AHNAK: variants seen among roughly 807,000 people sequenced by gnomAD.
AHNAK encodes neuroblast differentiation-associated protein AHNAK.
In AHNAK, 23 loss-of-function variants were observed where a neutral mutation model predicts 37.8. The observed-to-expected ratio is 0.61, with a 90% CI of 0.44 to 0.86. The LOEUF (loss-of-function observed/expected upper bound fraction) is 0.86, where lower values mean the gene tolerates loss of function less well. AHNAK is among the 40% of genes least tolerant of loss of function. The pLI is 0.00. For synonymous variants in AHNAK, 2,481 were observed against 2,636.3 expected (o/e 0.94, Z 1.80); for missense variants, 7,411 against 7,319.4 (o/e 1.01, Z -0.46).
At position 62,536,958 on chromosome 11, in the gene AHNAK, TA is replaced by T. The variant is rs199722986; in HGVS notation, c.-99-392del. On this transcript the variant is annotated intron_variant, in intron 1 of 4. Transcript: ENST00000378024. ...ATTTATGTATTTTATTTATTTTATT[TA>T]TTTTTTTTTTTTTGAGACAGAGTCT... Among the ~76,000 whole-genome samples, 302 of 149,060 alleles carry T rather than the reference TA, an allele frequency of 2.0e-3. 1 individual carries two copies. Among genetic ancestry groups the T allele is most frequent in the African/African-American group, 7.2e-3 (284 of 39,234 alleles).
chr11:62,483,668 C>T (rs990288979), intron 5 of AHNAK, among the ~76,000 whole-genome samples: 2 of 151,330 alleles, frequency 1.3e-5, no homozygotes, highest in African/African-American at 4.9e-5. Context: ...ACCATCCTGG[C>T]TAACACGGTG....
At position 62,532,389 on chromosome 11, in the gene AHNAK, C is replaced by T; in HGVS notation, c.2028G>A (p.Leu676=). The part of the protein sequence containing the change: ...VEAPDVNLEG[L]GGKLKGPDVK... ...CATCGGGGCCTTTAAGTTTTCCCCC[C>T]AGACCCTCCAAGTTGACATCTGGGG... is the stretch of plus-strand genomic sequence containing the variant. Residue 676 remains leucine (L), a synonymous_variant, in exon 5 of 5, where the codon CTG becomes CTA. Coordinates refer to ENST00000378024, the MANE Select transcript of AHNAK (RefSeq NM_001620.3). 6.2e-7 allele frequency: 1 copy of T among 1,614,124 alleles called. No individual in the cohort carries two copies. Among genetic ancestry groups the T allele is most frequent in the Non-Finnish European group, 8.5e-7 (1 of 1,180,034 alleles).
intron 4 of AHNAK, among the ~76,000 whole-genome samples, chr11:62,505,465 T>C (rs1939793565): frequency 6.6e-6 from 1 of 152,016 alleles, no homozygotes; most frequent in Non-Finnish European, 1.5e-5. Flanking sequence ...CCGTTTCTGG[T>C]TGGAGCAAGG....
chr11:62,469,876 G>A (rs1166921120), intron 5 of AHNAK, among the ~76,000 whole-genome samples: 1 of 152,222 alleles, frequency 6.6e-6, no homozygotes, highest in Non-Finnish European at 1.5e-5. Flanking sequence ...AGTTCACAAA[G>A]TGGACAAGAT....
At position 62,528,862 on chromosome 11, in the gene AHNAK, G is replaced by A. The variant is rs1433040396; in HGVS notation, c.5555C>T (p.Ala1852Val). The A allele has an allele frequency of 1.4e-5, 23 of 1,613,212 alleles. No homozygotes were observed. Among genetic ancestry groups the A allele is most frequent in the Non-Finnish European group, 1.8e-5 (21 of 1,179,852 alleles). ...KFKMPEMHFK[A>V]PKISMPDVDL... Reference sequence around the variant, plus strand: ...CACATCAGGCATGGAGATCTTGGGGGCCTTGAAGTGCATCTCAGGCATCTT... The same window carrying A: ...CACATCAGGCATGGAGATCTTGGGGACCTTGAAGTGCATCTCAGGCATCTT... Residue 1852 changes from alanine to valine, a missense_variant, in exon 5 of 5, where the codon GCC becomes GTC. Coordinates refer to ENST00000378024, the MANE Select transcript of AHNAK (RefSeq NM_001620.3).
chr11:62,499,339 G>A (rs556407058), intron 4 of AHNAK, among the ~76,000 whole-genome samples: 8 of 152,018 alleles, frequency 5.3e-5, no homozygotes, highest in Non-Finnish European at 1.0e-4. Context: ...ACCTGAGGTC[G>A]GGAGTTCGAG....
intron 5 of AHNAK, among the ~76,000 whole-genome samples, chr11:62,485,588 G>C (rs1939373944): frequency 6.6e-6 from 1 of 151,000 alleles, no homozygotes; most frequent in African/African-American, 2.4e-5. Flanking sequence ...TGTAGTCCCA[G>C]CTACTCAGGA....
At chr11:62,459,830 T>G (rs890459206) in intron 5 of AHNAK, among the ~76,000 whole-genome samples, 1 of 152,102 alleles carries the variant, frequency 6.6e-6, no homozygotes, top group African/African-American at 2.4e-5. Flanking sequence ...CATAGTGGCT[T>G]TAGACGTGTG....
chr11:62,444,668 C>A (rs571716449), intron 5 of AHNAK, among the ~76,000 whole-genome samples: 1 of 152,244 alleles, frequency 6.6e-6, no homozygotes, highest in Non-Finnish European at 1.5e-5. Flanking sequence ...AGAGTCACAT[C>A]TGACGCCCCT....
intron 1 of AHNAK, among the ~76,000 whole-genome samples, chr11:62,544,415 TGTGTCCCTGTTCTCTGACCA>T (rs138773174): frequency 0.022 from 3,323 of 152,258 alleles, 73 homozygotes; most frequent in African/African-American, 0.054. Flanking sequence ...TGGCTCCCCA[TGTGTCCCTGTTCTCTGACCA>T]GTGTCCCTGT....
At chr11:62,458,738 T>G (rs898178607) in intron 5 of AHNAK, among the ~76,000 whole-genome samples, 5 of 151,984 alleles carry the variant, frequency 3.3e-5, no homozygotes, top group Non-Finnish European at 5.9e-5. Flanking sequence ...CAGGAGCTGG[T>G]TCTGTTTCCT....
chr11:62,472,752 T>C (rs943893834), intron 5 of AHNAK, among the ~76,000 whole-genome samples: 1 of 152,072 alleles, frequency 6.6e-6, no homozygotes, highest in Admixed American at 6.6e-5. Context: ...AAATGCTGTA[T>C]AACTCCACTT....
intron 4 of AHNAK, among the ~76,000 whole-genome samples, chr11:62,498,614 A>AG (rs1346658511): frequency 6.6e-6 from 1 of 150,738 alleles, no homozygotes; most frequent in Non-Finnish European, 1.5e-5. Flanking sequence ...AAAAAAAAAA[A>AG]GAAATTTTTT....
chr11:62,444,316 C>T (rs996752673), intron 5 of AHNAK, among the ~76,000 whole-genome samples: 10 of 152,214 alleles, frequency 6.6e-5, no homozygotes, highest in African/African-American at 1.4e-4. Context: ...CAAACACCAC[C>T]GGCCCTGTGA....
At position 62,525,542 on chromosome 11, in the gene AHNAK, T is replaced by C; in HGVS notation, c.8875A>G (p.Lys2959Glu). ...TCAGGCATGGGGATCTTGGGGGCTT[T>C]GATATTCATCTCTGGCATCTTGAAC... ...PKFKMPEMNI[K>E]APKIPMPDFD... is the part of the protein sequence containing the mutation. The change falls in exon 5 of 5, where the codon AAA becomes GAA. Residue 2959 changes from lysine (K) to glutamate (E), a missense_variant. Lys to Glu is a moderately conservative substitution (Grantham distance 56, BLOSUM62 1). Coordinates refer to ENST00000378024, the MANE Select transcript of AHNAK (RefSeq NM_001620.3). 1.2e-6 allele frequency: 2 copies of C among 1,614,104 alleles called. No individual in the cohort carries two copies. Among genetic ancestry groups the C allele is most frequent in the Non-Finnish European group, 1.7e-6 (2 of 1,180,014 alleles).
downstream of AHNAK, among the ~76,000 whole-genome samples, chr11:62,512,108 A>G (rs1045922281): frequency 1.7e-4 from 26 of 152,244 alleles, no homozygotes; most frequent in Middle Eastern, 3.4e-3. This position sits in a 1 kb window ranked among gnomAD's most constrained non-coding sequence, Gnocchi z 4.0. Context: ...CGGCCTCCCA[A>G]CGTGTTAGGA....
At position 62,516,373 on chromosome 11, in the gene AHNAK, G is replaced by A. The variant is rs1194864943; in HGVS notation, c.*371C>T. 1.3e-5 allele frequency: 17 copies of A among 1,262,222 alleles called. No individual in the cohort carries two copies. Among genetic ancestry groups the A allele is most frequent in the Admixed American group, 2.6e-5 (1 of 39,098 alleles). 78.2% of individuals were successfully genotyped at this position (1,262,222 alleles called of 1,614,324 possible). ...CAAAAGCCCCCAAAGTCATTACAAT[G>A]AAAAAGTGGGTTTCCATTACCCCAA... On this transcript the variant is annotated 3_prime_UTR_variant, in exon 5 of 5. Transcript: ENST00000378024.
At chr11:62,510,674 G>A (rs988026515) in intron 4 of AHNAK, among the ~76,000 whole-genome samples, 2 of 151,998 alleles carry the variant, frequency 1.3e-5, no homozygotes, top group African/African-American at 4.8e-5. Flanking sequence ...AGCCCAGGAG[G>A]TGGAGGTTGT....
intron 5 of AHNAK, among the ~76,000 whole-genome samples, chr11:62,472,963 G>C (rs1042612445): frequency 6.6e-6 from 1 of 151,148 alleles, no homozygotes; most frequent in Non-Finnish European, 1.5e-5. Context: ...GTGCATGCCT[G>C]TAACCCAGCT....
Sources: gnomAD v4.1 joint callset for allele counts (sites outside exome capture counted in the v4.1 genomes callset) on GRCh38, gnomAD v4.1.1 for gene constraint, Gnocchi (gnomAD v3.1) non-coding constraint, MANE v1.5 for transcripts, NCBI Gene and HGNC (gene_info 2026-07-23, HGNC 2026-07-21) for gene names.